Variants in CYTH3 observed in about 807,000 individuals in gnomAD.
CYTH3 encodes the protein cytohesin-3.
In CYTH3, 23 loss-of-function variants were observed where a neutral mutation model predicts 55.1. The ratio of observed to expected loss-of-function variants is 0.42; its 90% CI spans 0.30 to 0.59. The LOEUF is 0.59. Ranked by LOEUF, CYTH3 falls within the 20% of genes least tolerant of loss-of-function variation. CYTH3 has a pLI of 0.20. For synonymous variants in CYTH3, 249 were observed against 194.9 expected (o/e 1.28, Z -2.31); for missense variants, 413 against 524.8 (o/e 0.79, Z 2.08).
chr7:6,173,058 C>G lies in CYTH3; in HGVS notation c.449+595G>C, dbSNP rs113774777. 15 of 1,073,478 alleles carry G rather than the reference C, an allele frequency of 1.4e-5. No homozygotes were observed. In the South Asian group the frequency reaches 2.5e-4, roughly 18 times the overall value. The allele number at this position is 1,073,478 out of a possible 1,614,324, so 66.5% of individuals were successfully genotyped here. A position where few individuals can be genotyped will look rare whatever the true frequency, so the allele number is the denominator to read the frequency against. On this transcript the variant is annotated intron_variant, in intron 6 of 12. Transcript: ENST00000350796. ...ACCAGAAGCCCTGCCTCCTCTCCCC[C>G]GGATGCTGCTGAGTGCTGGCTCAGG...
At position 6,165,619 on chromosome 7, in the gene CYTH3, A is replaced by G. The variant is rs778268461; in HGVS notation, c.901-3T>C. 1.1e-5 allele frequency: 17 copies of G among 1,613,770 alleles called. No individual in the cohort carries two copies. Among genetic ancestry groups the G allele is most frequent in the South Asian group, 1.1e-5 (1 of 91,070 alleles). Reference sequence around the variant, plus strand: ...ATGATTCCCCTGGGCTCCTTATCCTACAAGAGGAAAGTACACGGCGGGGCT... The same window carrying G: ...ATGATTCCCCTGGGCTCCTTATCCTGCAAGAGGAAAGTACACGGCGGGGCT... On this transcript the variant is annotated splice_polypyrimidine_tract_variant and splice_region_variant and intron_variant, in intron 10 of 12. Transcript: ENST00000350796.
chr7:6,201,612 G>T (rs1425752261), intron 1 of CYTH3, among the ~76,000 whole-genome samples: 1 of 152,120 alleles, frequency 6.6e-6, no homozygotes, highest in Non-Finnish European at 1.5e-5. Context: ...ATGAGCACTG[G>T]TTTCCATAAG....
intron 1 of CYTH3, among the ~76,000 whole-genome samples, chr7:6,228,763 T>A (rs927872563): frequency 6.6e-6 from 1 of 152,248 alleles, no homozygotes; most frequent in African/African-American, 2.4e-5. Context: ...AGAACACGGC[T>A]GTGTTTTTAA....
At chr7:6,255,283 A>T (rs1269914326) in intron 1 of CYTH3, among the ~76,000 whole-genome samples, 1 of 152,250 alleles carries the variant, frequency 6.6e-6, no homozygotes, top group Admixed American at 6.5e-5. Context: ...TTATGTAAGC[A>T]TACAGAAAGT....
intron 1 of CYTH3, among the ~76,000 whole-genome samples, chr7:6,235,551 C>G (rs1779499220): frequency 6.6e-6 from 1 of 151,994 alleles, no homozygotes; most frequent in Admixed American, 6.6e-5. Context: ...ACAGCATCCT[C>G]ACGAAGCTCC....
rs1783172162 is a variant in CYTH3, at chr7:6,171,010, A to G, written c.563-32T>C. The G allele has an allele frequency of 6.2e-7, 1 of 1,612,356 alleles. No homozygotes were observed. The highest frequency in any genetic ancestry group is 1.7e-5 in the Admixed American group (1 of 59,910). On this transcript the variant is annotated intron_variant, in intron 7 of 12. Transcript: ENST00000350796. The surrounding 1 kb of genome is among the most constrained non-coding windows in gnomAD (Gnocchi z 6.7). ...CGAGTCCGGGGTGCTGGGCTCAGCCAGAACCTCCAGTGGACAGTGGGACCC... is the reference window on the plus strand; with the variant it reads ...CGAGTCCGGGGTGCTGGGCTCAGCCGGAACCTCCAGTGGACAGTGGGACCC...
At chr7:6,201,243 C>T (rs1280709070) in intron 1 of CYTH3, among the ~76,000 whole-genome samples, 1 of 152,202 alleles carries the variant, frequency 6.6e-6, no homozygotes, top group South Asian at 2.1e-4. Context: ...GGTAACAGGG[C>T]AGTCACGTGT....
intron 6 of CYTH3, chr7:6,172,726 C>A: frequency 8.6e-7 from 1 of 1,167,438 alleles, no homozygotes; most frequent in Non-Finnish European, 1.1e-6. Context: ...CCCTCCCAGA[C>A]TCACCAGGCC....
intron 1 of CYTH3, among the ~76,000 whole-genome samples, chr7:6,204,041 T>C (rs1246565226): frequency 6.6e-6 from 1 of 150,420 alleles, no homozygotes; most frequent in African/African-American, 2.4e-5. Flanking sequence ...TTATATATGT[T>C]CACAATAGAA....
At chr7:6,263,975 G>A (rs1017488490) in intron 1 of CYTH3, among the ~76,000 whole-genome samples, 2 of 151,974 alleles carry the variant, frequency 1.3e-5, no homozygotes, top group South Asian at 2.1e-4. Flanking sequence ...GGCCGGGTGC[G>A]GTTGCTCACA....
At chr7:6,210,246 G>A (rs1784294419) in intron 1 of CYTH3, among the ~76,000 whole-genome samples, 1 of 152,138 alleles carries the variant, frequency 6.6e-6, no homozygotes, top group Non-Finnish European at 1.5e-5. Flanking sequence ...CGATTTTTAT[G>A]TAAATCTAAA....
chr7:6,196,032 T>A lies in CYTH3; in HGVS notation c.35-5501A>T, dbSNP rs140332073. Among the ~76,000 whole-genome samples, 6 of 152,268 alleles carry A rather than the reference T, an allele frequency of 3.9e-5. No individual in the cohort carries two copies. The East Asian group carries it at 1.2e-3, about 29-fold the overall frequency. On this transcript the variant is annotated intron_variant, in intron 1 of 12. Coordinates refer to ENST00000350796, the MANE Select transcript of CYTH3 (RefSeq NM_004227.4). ...CCTGCCTTCCAATGTGTCAGTTTCA[T>A]CCTAAAGTCTGTCTCTTTCTCGCTC...
intron 1 of CYTH3, among the ~76,000 whole-genome samples, chr7:6,234,349 G>C (rs908509448): frequency 6.6e-6 from 1 of 152,200 alleles, no homozygotes; most frequent in African/African-American, 2.4e-5. Context: ...ACCAAGGACT[G>C]CCTTCCCAAG....
chr7:6,263,366 C>G (rs769857539), intron 1 of CYTH3, among the ~76,000 whole-genome samples: 1 of 152,192 alleles, frequency 6.6e-6, no homozygotes, highest in Non-Finnish European at 1.5e-5. Context: ...TCTATTAAAA[C>G]TGAAGCATGC....
chr7:6,259,816 AT>A (rs1314789574), intron 1 of CYTH3, among the ~76,000 whole-genome samples: 1 of 20,586 alleles, frequency 4.9e-5, no homozygotes, highest in Non-Finnish European at 6.7e-5. Flanking sequence ...TATATATAAT[AT>A]ATATATATAT....
chr7:6,226,391 T>C (rs1779251578), intron 1 of CYTH3, among the ~76,000 whole-genome samples: 1 of 152,040 alleles, frequency 6.6e-6, no homozygotes, highest in African/African-American at 2.4e-5. Context: ...TTCACAAACA[T>C]CTAAAAGGTG....
At chr7:6,188,103 G>C (rs1165323301) in intron 2 of CYTH3, among the ~76,000 whole-genome samples, 2 of 152,100 alleles carry the variant, frequency 1.3e-5, no homozygotes, top group East Asian at 1.9e-4. Context: ...GAAGCAGAGG[G>C]ATCGCTTGAG....
intron 1 of CYTH3, among the ~76,000 whole-genome samples, chr7:6,243,169 T>C (rs1273488593): frequency 2.6e-5 from 4 of 152,200 alleles, no homozygotes; most frequent in African/African-American, 7.2e-5. Flanking sequence ...GAAAAGTTAA[T>C]AGACATTGAG....
intron 1 of CYTH3, among the ~76,000 whole-genome samples, chr7:6,258,453 T>G (rs896639784): frequency 5.4e-4 from 83 of 152,320 alleles, no homozygotes; most frequent in African/African-American, 1.9e-3. Context: ...CCTCCACTTA[T>G]GGATAAGGAA....
Sources: allele counts gnomAD v4.1 joint callset (sites outside exome capture counted in the v4.1 genomes callset), GRCh38; gene constraint gnomAD v4.1.1; non-coding constraint Gnocchi (gnomAD v3.1); transcripts MANE v1.5; gene names NCBI Gene and HGNC (gene_info 2026-07-23, HGNC 2026-07-21).